SKA2: variants seen among roughly 807,000 people sequenced by gnomAD.
The protein encoded by SKA2 is spindle and kinetochore-associated protein 2.
Under a neutral mutation model 16.9 loss-of-function variants are expected in SKA2, and 13 were observed. That is an observed-to-expected ratio of 0.77 (90% confidence interval 0.50 to 1.22). SKA2 has a LOEUF of 1.22. Among genes scored for constraint, SKA2 ranks in the 50% most tolerant of loss-of-function variants. SKA2 has a pLI of 0.00. For missense variants in SKA2, 107 were observed against 139.7 expected (o/e 0.77, Z 1.18); for synonymous variants, 47 against 48.5 (o/e 0.97, Z 0.13).
At chr17:59,126,826 T>C (rs967458167) in intron 2 of SKA2, among the ~76,000 whole-genome samples, 1 of 152,204 alleles carries the variant, frequency 6.6e-6, no homozygotes, top group African/African-American at 2.4e-5. Flanking sequence ...GTGTTCATAG[T>C]AGCATTATTC....
intron 1 of SKA2, among the ~76,000 whole-genome samples, chr17:59,139,163 T>C (rs2046468324): frequency 6.6e-6 from 1 of 152,044 alleles, no homozygotes; most frequent in Admixed American, 6.6e-5. Context: ...TTTGGGAGGC[T>C]GAGGCGGGCG....
intron 1 of SKA2, among the ~76,000 whole-genome samples, chr17:59,153,900 T>C (rs2046596809): frequency 6.6e-6 from 1 of 151,482 alleles, no homozygotes; most frequent in Non-Finnish European, 1.5e-5. Context: ...GCCTCCCGAG[T>C]AGCTGGGACT....
chr17:59,139,310 T>C (rs1384825812), intron 1 of SKA2, among the ~76,000 whole-genome samples: 5 of 142,718 alleles, frequency 3.5e-5, no homozygotes, highest in Non-Finnish European at 1.5e-5. Flanking sequence ...AGCAGGAGAA[T>C]GGCATAAACC....
chr17:59,113,881 A>T (rs117045494), intron 3 of SKA2, among the ~76,000 whole-genome samples: 2 of 152,212 alleles, frequency 1.3e-5, no homozygotes, highest in Non-Finnish European at 2.9e-5. Flanking sequence ...TAACTTCAGA[A>T]AAAGGAAAGA....
chr17:59,140,095 T>C (rs1395941506), intron 1 of SKA2, among the ~76,000 whole-genome samples: 2 of 152,210 alleles, frequency 1.3e-5, no homozygotes, highest in African/African-American at 4.8e-5. Flanking sequence ...AACAAATGCA[T>C]GACTATGCTT....
chr17:59,145,989 CA>C (rs565711811), intron 1 of SKA2, among the ~76,000 whole-genome samples: 74 of 131,182 alleles, frequency 5.6e-4, no homozygotes, highest in Admixed American at 5.5e-4. Context: ...GACCCTATCT[CA>C]AAAAAAAAAA....
At chr17:59,151,258 G>A (rs543582110) in intron 1 of SKA2, 16 of 477,690 alleles carry the variant, frequency 3.3e-5, no homozygotes, top group East Asian at 2.6e-4. Flanking sequence ...ATCTTGCATC[G>A]GTTGAAGCTT....
intron 1 of SKA2, among the ~76,000 whole-genome samples, chr17:59,150,105 C>G (rs1034762481): frequency 1.3e-5 from 2 of 152,118 alleles, no homozygotes; most frequent in Non-Finnish European, 2.9e-5. Flanking sequence ...TGTCAAAACT[C>G]GTCAGTTCAC....
chr17:59,124,259 A>G (rs2046356208), intron 2 of SKA2: 1 of 152,122 alleles, frequency 6.6e-6, no homozygotes, highest in Non-Finnish European at 1.5e-5. Flanking sequence ...GCAAAACCCC[A>G]TCCTTACTAA....
chr17:59,126,583 G>C (rs2046374132), intron 2 of SKA2, among the ~76,000 whole-genome samples: 1 of 152,148 alleles, frequency 6.6e-6, no homozygotes, highest in African/African-American at 2.4e-5. Context: ...AAATCATTAA[G>C]ACTGATGTTG....
chr17:59,116,913 G>A (rs2046300553), intron 3 of SKA2, among the ~76,000 whole-genome samples: 1 of 148,588 alleles, frequency 6.7e-6, no homozygotes, highest in Non-Finnish European at 1.5e-5. Flanking sequence ...CGCCTCCCAG[G>A]TTCAAGCGAT....
chr17:59,118,195 G>A (rs1007619211), intron 3 of SKA2: 2 of 152,330 alleles, frequency 1.3e-5, no homozygotes, highest in Non-Finnish European at 2.9e-5. Context: ...GAACCCAGGA[G>A]GTGGAGGTTG....
intron 2 of SKA2, among the ~76,000 whole-genome samples, chr17:59,120,813 G>T (rs1176034963): frequency 1.3e-5 from 2 of 152,052 alleles, no homozygotes; most frequent in African/African-American, 4.8e-5. Flanking sequence ...AAAATTAAGA[G>T]AAAATCTCCA....
intron 1 of SKA2, among the ~76,000 whole-genome samples, chr17:59,141,454 A>G (rs2046488703): frequency 6.6e-6 from 1 of 152,024 alleles, no homozygotes; most frequent in Non-Finnish European, 1.5e-5. Context: ...GGCTGTGCAC[A>G]GTGGCTCAGG....
rs529461967 is a variant in SKA2, at chr17:59,153,782, C to CT, written c.33+1348dup. Reference sequence around the variant, plus strand: ...GTCTTTTACTTTTTTAAAACTTAATCTTTTTTTTTTTTGAGACGTTGTCTC... The same window carrying CT: ...GTCTTTTACTTTTTTAAAACTTAATCTTTTTTTTTTTTTGAGACGTTGTCTC... On this transcript the variant is annotated intron_variant, in intron 1 of 3. Transcript: ENST00000330137. Among the ~76,000 whole-genome samples, 303 of 146,740 alleles carry CT rather than the reference C, an allele frequency of 2.1e-3. 1 individual carries two copies. Among genetic ancestry groups the CT allele is most frequent in the East Asian group, 5.1e-3 (26 of 5,072 alleles).
intron 3 of SKA2, among the ~76,000 whole-genome samples, chr17:59,114,522 A>G (rs887054511): frequency 2.4e-4 from 36 of 152,236 alleles, no homozygotes; most frequent in Admixed American, 6.5e-5. Flanking sequence ...ACATCTGAAC[A>G]TAAGAGTACA....
chr17:59,128,183 C>G (rs921785391), intron 2 of SKA2, among the ~76,000 whole-genome samples: 1 of 151,474 alleles, frequency 6.6e-6, no homozygotes, highest in Non-Finnish European at 1.5e-5. Context: ...CCACTGCACT[C>G]CAGCCTAGGG....
intron 3 of SKA2, among the ~76,000 whole-genome samples, chr17:59,115,403 G>C (rs1032994606): frequency 1.3e-5 from 2 of 152,054 alleles, no homozygotes; most frequent in Non-Finnish European, 2.9e-5. Flanking sequence ...AAATAGGACA[G>C]CCCAAATCTA....
At position 59,112,152 on chromosome 17, in the gene SKA2, C is replaced by T; in HGVS notation, c.*125G>A. 4 of 674,346 alleles carry T rather than the reference C, an allele frequency of 5.9e-6. No homozygotes were observed. The highest frequency in any genetic ancestry group is 1.0e-5 in the Non-Finnish European group (4 of 384,960). The allele number at this position is 674,346 out of a possible 1,614,324, so 41.8% of individuals were successfully genotyped here. On this transcript the variant is annotated 3_prime_UTR_variant, in exon 4 of 4. Transcript: ENST00000330137. ...CTCATGAAAGATATCATTATCCAGTCATTGAAGCCAAACCCCCTTCACCAG... is the reference window on the plus strand; with the variant it reads ...CTCATGAAAGATATCATTATCCAGTTATTGAAGCCAAACCCCCTTCACCAG...
Sources: gnomAD v4.1 joint callset for allele counts (sites outside exome capture counted in the v4.1 genomes callset) on GRCh38, gnomAD v4.1.1 for gene constraint, MANE v1.5 for transcripts, NCBI Gene and HGNC (gene_info 2026-07-23, HGNC 2026-07-21) for gene names.